Variants in RIF1 observed in about 807,000 individuals in gnomAD.
RIF1 encodes replication timing regulatory factor 1, also known as telomere-associated protein RIF1.
A neutral mutation model predicts 247.1 loss-of-function variants in RIF1; 45 were observed. The observed-to-expected ratio is 0.18, with a 90% CI of 0.14 to 0.23. RIF1 has a LOEUF of 0.23. Ranked by LOEUF, RIF1 falls within the 10% of genes least tolerant of loss-of-function variation. The pLI, the probability that RIF1 is intolerant of heterozygous loss-of-function variation, is 1.00. For synonymous variants in RIF1, 1,087 were observed against 978.8 expected, an observed-to-expected ratio of 1.11 and a Z score of -2.06; for missense variants, 2,967 against 2,862.5, an observed-to-expected ratio of 1.04 and a Z score of -0.83.
chr2:151,432,984 C>A lies in RIF1; in HGVS notation c.926-93C>A, dbSNP rs1402075939. The A allele has an allele frequency of 8.3e-6, 8 of 966,116 alleles. No individual in the cohort carries two copies. The Admixed American group carries it at 1.6e-4, about 19-fold the overall frequency. 59.8% of individuals were successfully genotyped at this position (966,116 alleles called of 1,614,324 possible). A position where few individuals can be genotyped will look rare whatever the true frequency, so the allele number is the denominator to read the frequency against. On this transcript the variant is annotated intron_variant, in intron 9 of 35. Coordinates refer to ENST00000444746, the MANE Select transcript of RIF1 (RefSeq NM_018151.5). Reference sequence around the variant, plus strand: ...TTTTAAAAAAATTTTAAAATACGTTCTCTTGCTGTGATAAAAGACTGTTGC... The same window carrying A: ...TTTTAAAAAAATTTTAAAATACGTTATCTTGCTGTGATAAAAGACTGTTGC...
At chr2:151,433,014 C>CT (rs1446326531) in intron 9 of RIF1, 63 bp from the exon 10 acceptor site, 12 of 1,237,324 alleles carry the variant, frequency 9.7e-6, no homozygotes, top group Admixed American at 8.6e-5. Flanking sequence ...TGTTGCATAG[C>CT]TAGTGTTAGA....
downstream of RIF1, among the ~76,000 whole-genome samples, chr2:151,484,027 ATATGT>A (rs1046548419): frequency 1.3e-5 from 2 of 152,244 alleles, no homozygotes; most frequent in Non-Finnish European, 2.9e-5. Flanking sequence ...ATGTATGTAA[ATATGT>A]TATACTGTAT....
intron 11 of RIF1, among the ~76,000 whole-genome samples, chr2:151,500,145 A>G (rs981615357): frequency 9.2e-5 from 14 of 152,212 alleles, no homozygotes; most frequent in Non-Finnish European, 1.2e-4. Flanking sequence ...AGACATATTA[A>G]CATTGAAAAT....
chr2:151,518,509 G>A, the RIF1 span: 2 of 805,368 alleles, frequency 2.5e-6, no homozygotes, highest in East Asian at 2.4e-5. Context: ...CGTTTACACA[G>A]CACCATTGTC....
In RIF1 at chr2:151,443,676, T is replaced by C; in HGVS notation, c.1953T>C (p.Val651=). ...NKEHLWKMWS[V]IVTPLTELIN... ...AGCATCTCTGGAAAATGTGGAGTGT[T>C]ATAGTCACCCCATTAACTGAATTGA... The change falls in exon 18 of 36, where the codon GTT becomes GTC. Residue 651 remains valine (V), a synonymous_variant. Transcript: ENST00000444746. 1 of 1,604,210 alleles carries C rather than the reference T, an allele frequency of 6.2e-7. No homozygotes were observed. The highest frequency in any genetic ancestry group is 8.5e-7 in the Non-Finnish European group (1 of 1,177,248).
rs1351697351 is a variant in RIF1, at chr2:151,476,363, A to G, written c.*1292A>G. 3.3e-5 allele frequency: 5 copies of G among 152,146 alleles called. No individual in the cohort carries two copies. The highest frequency in any genetic ancestry group is 1.2e-4 in the African/African-American group (5 of 41,440). 9.4% of individuals were successfully genotyped at this position (152,146 alleles called of 1,614,324 possible). A position where few individuals can be genotyped will look rare whatever the true frequency, so the allele number is the denominator to read the frequency against. On this transcript the variant is annotated 3_prime_UTR_variant, in exon 36 of 36. Transcript: ENST00000444746. Reference sequence around the variant, plus strand: ...AAACCTTTGTAAAATTTGCCAACTAATATTAGTGCCTGACTTCCCATATTT... The same window carrying G: ...AAACCTTTGTAAAATTTGCCAACTAGTATTAGTGCCTGACTTCCCATATTT...
At chr2:151,433,493 T>G (rs932752334) in intron 10 of RIF1, among the ~76,000 whole-genome samples, 7 of 152,166 alleles carry the variant, frequency 4.6e-5, no homozygotes, top group African/African-American at 1.7e-4. Flanking sequence ...CTTGTTCTGT[T>G]TCCCAGGATG....
rs1354948924 is a variant in RIF1, at chr2:151,490,457, C to A, written c.*416-4772C>A. On this transcript the variant is annotated intron_variant and NMD_transcript_variant, in intron 9 of 13. Transcript: ENST00000454583. ...CTGAATGCTCAGACTTCTCCTCACC[C>A]CCACTGATGCTTAGTGCACTGGCAG... 3 of 1,607,322 alleles carry A rather than the reference C, an allele frequency of 1.9e-6. No homozygotes were observed. The African/African-American group carries it at 4.0e-5, about 21-fold the overall frequency.
chr2:151,467,677 T>C (rs567352728), intron 30 of RIF1, among the ~76,000 whole-genome samples: 8 of 152,302 alleles, frequency 5.3e-5, no homozygotes, highest in Non-Finnish European at 1.2e-4. Context: ...CTTTCTAGTC[T>C]GGTAATCCCA....
At chr2:151,518,252 A>C in the RIF1 span, 7 of 1,175,590 alleles carry the variant, frequency 6.0e-6, no homozygotes, top group Non-Finnish European at 9.0e-6. Flanking sequence ...AATCTATGAA[A>C]TTTTTTTTCA....
At chr2:151,470,569 T>C (rs146065933) in intron 34 of RIF1, among the ~76,000 whole-genome samples, 6 of 152,262 alleles carry the variant, frequency 3.9e-5, no homozygotes, top group Non-Finnish European at 8.8e-5. Flanking sequence ...GCTTCAAATT[T>C]TGGATTCCAT....
intron 5 of RIF1, 42 bp from the exon 6 acceptor site, chr2:151,416,765 T>G: frequency 6.2e-7 from 1 of 1,602,026 alleles, no homozygotes; most frequent in East Asian, 2.2e-5. Flanking sequence ...ATAAAAACAG[T>G]TCAGGCTTAT....
the RIF1 span, chr2:151,515,000 G>GAAA: frequency 7.2e-6 from 6 of 837,040 alleles, no homozygotes; most frequent in East Asian, 3.1e-5. Flanking sequence ...ATCTCAGGAA[G>GAAA]AAAAAAAAAA....
chr2:151,492,358 C>A, intron 9 of RIF1: 1 of 1,589,896 alleles, frequency 6.3e-7, no homozygotes, highest in South Asian at 1.1e-5. Context: ...GACAGGCAGC[C>A]AGCCAATCCT....
chr2:151,421,145 C>G (rs1229783649), intron 7 of RIF1, among the ~76,000 whole-genome samples: 1 of 152,136 alleles, frequency 6.6e-6, no homozygotes, highest in Non-Finnish European at 1.5e-5. Context: ...TGCATTGTTG[C>G]AGGCGCTGTG....
chr2:151,467,156 G>A (rs140852774), intron 30 of RIF1, among the ~76,000 whole-genome samples: 1,625 of 152,046 alleles, frequency 0.011, 18 homozygotes, highest in Non-Finnish European at 0.017. Flanking sequence ...TTGAACCCAG[G>A]ATGCAGAGGT....
At position 151,468,051 on chromosome 2, in the gene RIF1, G is replaced by A; in HGVS notation, c.6652G>A (p.Asp2218Asn). The A allele has an allele frequency of 6.2e-7, 1 of 1,613,764 alleles. No individual in the cohort carries two copies. Among genetic ancestry groups the A allele is most frequent in the East Asian group, 2.2e-5 (1 of 44,818 alleles). The change falls in exon 31 of 36, where the codon GAC (aspartate) becomes AAC (asparagine). Residue 2218 changes from aspartate to asparagine, a missense_variant. By Grantham distance (23) the Asp-to-Asn change is conservative. Coordinates refer to ENST00000444746, the MANE Select transcript of RIF1 (RefSeq NM_018151.5). Reference protein sequence around the residue: ...DPIYQAGLADDIDRRCSIVRS... With the variant: ...DPIYQAGLADNIDRRCSIVRS... ...AATATACCAAGCAGGATTGGCAGATGACATTGATAGACGGTGCTCTATTGT... is the reference window on the plus strand; with the variant it reads ...AATATACCAAGCAGGATTGGCAGATAACATTGATAGACGGTGCTCTATTGT...
At chr2:151,508,775 A>G (rs989470685), downstream of RIF1, among the ~76,000 whole-genome samples, 5 of 152,232 alleles carry the variant, frequency 3.3e-5, no homozygotes, top group Admixed American at 3.3e-4. Flanking sequence ...TGAACCAGAC[A>G]TCACTATTCC....
chr2:151,416,042 T>C (rs541713651), intron 4 of RIF1, among the ~76,000 whole-genome samples: 1 of 152,326 alleles, frequency 6.6e-6, no homozygotes, highest in South Asian at 2.1e-4. Context: ...ACCTAATGCT[T>C]TCCAAGTTTT....
Sources: allele counts gnomAD v4.1 joint callset (sites outside exome capture counted in the v4.1 genomes callset), GRCh38; gene constraint gnomAD v4.1.1; transcripts MANE v1.5; gene names NCBI Gene and HGNC (gene_info 2026-07-23, HGNC 2026-07-21).